UBE2E2: variants seen among roughly 807,000 people sequenced by gnomAD.
The protein encoded by UBE2E2 is ubiquitin-conjugating enzyme E2 E2.
Under a neutral mutation model 24.7 loss-of-function variants are expected in UBE2E2, and 6 were observed. That is an observed-to-expected ratio of 0.24 (90% CI 0.13 to 0.48). The LOEUF is 0.48. UBE2E2 is among the 20% of genes least tolerant of loss of function. UBE2E2 has a pLI of 0.99. For synonymous variants in UBE2E2, 104 were observed against 83.6 expected (o/e 1.24, Z -1.33); for missense variants, 169 against 245.0 (o/e 0.69, Z 2.07).
At chr3:23,397,936 A>G (rs1249753878) in intron 3 of UBE2E2, among the ~76,000 whole-genome samples, 3 of 152,196 alleles carry the variant, frequency 2.0e-5, no homozygotes, top group Non-Finnish European at 4.4e-5. Context: ...TCTTTCTAGA[A>G]TGATAAATAC....
At chr3:23,301,867 A>ACGGGAGCTGTTCCTATTCGG (rs1553600825) in intron 3 of UBE2E2, among the ~76,000 whole-genome samples, 7 of 152,012 alleles carry the variant, frequency 4.6e-5, no homozygotes, top group African/African-American at 1.5e-4. Context: ...GGAGCTGTAG[A>ACGGGAGCTGTTCCTATTCGG]CGGGAGCTGT....
At chr3:23,312,132 G>A (rs1026584538) in intron 3 of UBE2E2, among the ~76,000 whole-genome samples, 2 of 151,998 alleles carry the variant, frequency 1.3e-5, no homozygotes, top group Non-Finnish European at 2.9e-5. Flanking sequence ...ATGCCTGCTC[G>A]CCCTTTGCCT....
chr3:23,569,399 T>C (rs1480035241), intron 5 of UBE2E2, among the ~76,000 whole-genome samples: 5 of 152,132 alleles, frequency 3.3e-5, no homozygotes, highest in Admixed American at 3.3e-4. Flanking sequence ...CTAAAATGGA[T>C]TGTGGTAATG....
chr3:23,459,535 A>T (rs1698761847), intron 3 of UBE2E2, among the ~76,000 whole-genome samples: 1 of 152,192 alleles, frequency 6.6e-6, no homozygotes, highest in Non-Finnish European at 1.5e-5. Context: ...CCTTTATGAA[A>T]CATTTAAACT....
chr3:23,508,438 A>G lies in UBE2E2; in HGVS notation c.360+8698A>G, dbSNP rs912076368. 5.3e-5 allele frequency among the ~76,000 whole-genome samples: 8 copies of G among 152,336 alleles called. No homozygotes were observed. In the East Asian group the frequency reaches 1.5e-3, roughly 29 times the overall value. On this transcript the variant is annotated intron_variant, in intron 4 of 5. Transcript: ENST00000396703. ...TTTAATTTAGCCATATTTTGGGAAG[A>G]TACGTTTGTTCCTAGCTTTCTATAG...
chr3:23,413,245 T>G (rs1697539134), intron 3 of UBE2E2, among the ~76,000 whole-genome samples: 1 of 152,120 alleles, frequency 6.6e-6, no homozygotes, highest in South Asian at 2.1e-4. Flanking sequence ...AATTTAAACT[T>G]TAGCACATCG....
At chr3:23,311,938 C>T (rs1212679996) in intron 3 of UBE2E2, among the ~76,000 whole-genome samples, 1 of 152,012 alleles carries the variant, frequency 6.6e-6, no homozygotes, top group Non-Finnish European at 1.5e-5. Context: ...GAATTGTAAT[C>T]GCCAGTGTTG....
chr3:23,556,342 C>T (rs1481922876), intron 5 of UBE2E2, among the ~76,000 whole-genome samples: 1 of 148,850 alleles, frequency 6.7e-6, no homozygotes, highest in Non-Finnish European at 1.5e-5. Flanking sequence ...ACGGTTTCAC[C>T]ATGTTGGCCA....
intron 3 of UBE2E2, among the ~76,000 whole-genome samples, chr3:23,270,228 A>G (rs1307604129): frequency 6.7e-6 from 1 of 148,744 alleles, no homozygotes; most frequent in Non-Finnish European, 1.5e-5. Flanking sequence ...CCCTGTCACA[A>G]GATGTCCCTC....
intron 3 of UBE2E2, among the ~76,000 whole-genome samples, chr3:23,428,552 ATATT>A (rs1193235461): frequency 7.2e-5 from 11 of 152,196 alleles, no homozygotes; most frequent in African/African-American, 2.7e-4. Flanking sequence ...ATTAGTGTAT[ATATT>A]AATGAAATAG....
intron 3 of UBE2E2, among the ~76,000 whole-genome samples, chr3:23,424,094 A>G (rs893915021): frequency 5.9e-5 from 9 of 152,332 alleles, no homozygotes; most frequent in Non-Finnish European, 1.3e-4. Flanking sequence ...TGGAAAGGTA[A>G]GTAATGTTTG....
At chr3:23,401,673 T>A (rs950648565) in intron 3 of UBE2E2, among the ~76,000 whole-genome samples, 10 of 152,102 alleles carry the variant, frequency 6.6e-5, no homozygotes, top group African/African-American at 2.4e-4. Context: ...CTTCATTATA[T>A]ATACATATGT....
chr3:23,464,014 C>G (rs1575647373), intron 3 of UBE2E2, among the ~76,000 whole-genome samples: 1 of 152,128 alleles, frequency 6.6e-6, no homozygotes, highest in Non-Finnish European at 1.5e-5. Flanking sequence ...TTGCATATCC[C>G]TGTTGTGGCT....
At chr3:23,540,032 A>T (rs1279923113) in intron 5 of UBE2E2, among the ~76,000 whole-genome samples, 1 of 152,010 alleles carries the variant, frequency 6.6e-6, no homozygotes. Flanking sequence ...TATATTTAGT[A>T]AGGTTTAGGA....
At chr3:23,350,459 A>G (rs1261695190) in intron 3 of UBE2E2, among the ~76,000 whole-genome samples, 2 of 152,180 alleles carry the variant, frequency 1.3e-5, no homozygotes. Context: ...GGAAATTCAA[A>G]CCAAAGGCAA....
intron 3 of UBE2E2, among the ~76,000 whole-genome samples, chr3:23,307,427 TACCTC>T (rs1268459774): frequency 6.6e-6 from 1 of 152,208 alleles, no homozygotes; most frequent in African/African-American, 2.4e-5. Flanking sequence ...TTATTGCTTT[TACCTC>T]TACTCCCTGT....
At chr3:23,529,059 C>G (rs1428343960) in intron 4 of UBE2E2, among the ~76,000 whole-genome samples, 2 of 152,178 alleles carry the variant, frequency 1.3e-5, no homozygotes, top group African/African-American at 4.8e-5. Context: ...TGGTTACCTA[C>G]TATACGATTC....
intron 3 of UBE2E2, among the ~76,000 whole-genome samples, chr3:23,246,820 G>A (rs932363571): frequency 1.3e-5 from 2 of 152,170 alleles, no homozygotes; most frequent in African/African-American, 4.8e-5. Context: ...GTGGATCATT[G>A]CCTGGCATAT....
At chr3:23,399,752 AG>A (rs1697173046) in intron 3 of UBE2E2, among the ~76,000 whole-genome samples, 1 of 152,188 alleles carries the variant, frequency 6.6e-6, no homozygotes, top group Admixed American at 6.6e-5. Context: ...TGGACAACTC[AG>A]TTTTCTTTTC....
Sources: allele counts gnomAD v4.1 joint callset (sites outside exome capture counted in the v4.1 genomes callset), GRCh38; gene constraint gnomAD v4.1.1; transcripts MANE v1.5; gene names NCBI Gene and HGNC (gene_info 2026-07-23, HGNC 2026-07-21).